Variants in ARIH1 observed in about 807,000 individuals in gnomAD.
The protein encoded by ARIH1 is ariadne RBR E3 ubiquitin protein ligase 1, also known as E3 ubiquitin-protein ligase ARIH1.
Under a neutral mutation model 85.0 loss-of-function variants are expected in ARIH1, and 8 were observed. The observed-to-expected ratio is 0.09, with a 90% CI of 0.06 to 0.17. The LOEUF (loss-of-function observed/expected upper bound fraction) is 0.17, where lower values mean the gene tolerates loss of function less well. Among genes scored for constraint, ARIH1 ranks in the 10% least tolerant of loss-of-function variants. ARIH1 has a pLI of 1.00. For synonymous variants in ARIH1, 238 were observed against 253.6 expected (o/e 0.94, Z 0.59); for missense variants, 311 against 718.1 (o/e 0.43, Z 6.48).
intron 11 of ARIH1, among the ~76,000 whole-genome samples, chr15:72,573,576 ATGAC>A (rs781319671): frequency 6.6e-6 from 1 of 152,102 alleles, no homozygotes; most frequent in Non-Finnish European, 1.5e-5. Flanking sequence ...AAATAATAAA[ATGAC>A]TGGGAAATTA....
At chr15:72,556,040 A>G in intron 5 of ARIH1, 133 bp downstream of exon 5, 1 of 688,626 alleles carries the variant, frequency 1.5e-6, no homozygotes, top group South Asian at 1.9e-5. Context: ...GTTCCTTAGT[A>G]GTAGTACAAA....
At chr15:72,497,732 G>A (rs1341880177) in intron 1 of ARIH1, among the ~76,000 whole-genome samples, 2 of 152,098 alleles carry the variant, frequency 1.3e-5, no homozygotes, top group Non-Finnish European at 2.9e-5. Flanking sequence ...TCCTAAATAG[G>A]TTAGTAGAGT....
chr15:72,575,551 CAAAAAAAAAAAAAA>C (rs59727915), intron 11 of ARIH1, among the ~76,000 whole-genome samples: 4 of 60,562 alleles, frequency 6.6e-5, no homozygotes, highest in Non-Finnish European at 9.6e-5. Flanking sequence ...ACCCTGTCTC[CAAAAAAAAAAAAAA>C]AAAAAAAAAA....
chr15:72,580,174 C>T (rs1015324208), intron 11 of ARIH1, among the ~76,000 whole-genome samples: 3 of 152,054 alleles, frequency 2.0e-5, no homozygotes, highest in East Asian at 1.9e-4. Context: ...TACATATAAG[C>T]GAGATCATGT....
chr15:72,581,803 A>G (rs1371067683), intron 12 of ARIH1: 1 of 266,908 alleles, frequency 3.7e-6, no homozygotes, highest in East Asian at 7.2e-5. Flanking sequence ...AAGATTCCAA[A>G]AGACATTTTA....
intron 1 of ARIH1, among the ~76,000 whole-genome samples, chr15:72,482,563 A>G (rs989575885): frequency 6.6e-6 from 1 of 152,204 alleles, no homozygotes; most frequent in Non-Finnish European, 1.5e-5. Flanking sequence ...AATGCTGGAT[A>G]ATAATGTAGA....
At position 72,587,829 on chromosome 15, in the gene ARIH1, AG is replaced by A. The variant is rs2064323949; in HGVS notation, c.*4539del. 6.6e-6 allele frequency: 1 copy of A among 152,180 alleles called. No homozygotes were observed. Among genetic ancestry groups the A allele is most frequent in the African/African-American group, 2.4e-5 (1 of 41,450 alleles). 9.4% of individuals were successfully genotyped at this position (152,180 alleles called of 1,614,324 possible). The stretch of plus-strand genomic sequence containing the variant: ...CCAGGGGAGTAAACAGACAACTTTT[AG>A]GTTTTTAGTTTTTGCTTTTGTGTGG... On this transcript the variant is annotated 3_prime_UTR_variant, in exon 14 of 14. Transcript: ENST00000379887.
Position 72,592,195 on chromosome 15 carries a change from A to G in ARIH1, c.*8903A>G, listed in dbSNP as rs1335143660. On this transcript the variant is annotated 3_prime_UTR_variant, in exon 14 of 14. Transcript: ENST00000379887. Reference sequence around the variant, plus strand: ...TGGTCAAATGGTTGCTCACTAACCAATGGAAATAAATGACTGTTGTTTCCA... The same window carrying G: ...TGGTCAAATGGTTGCTCACTAACCAGTGGAAATAAATGACTGTTGTTTCCA... 1 of 152,262 alleles carries G rather than the reference A, an allele frequency of 6.6e-6. No individual in the cohort carries two copies. The highest frequency in any genetic ancestry group is 1.5e-5 in the Non-Finnish European group (1 of 68,046). The allele number at this position is 152,262 out of a possible 1,614,324, so 9.4% of individuals were successfully genotyped here.
Position 72,521,527 on chromosome 15 carries a change from A to T in ARIH1, c.443+3393A>T, listed in dbSNP as rs570573191. 1.9e-4 allele frequency among the ~76,000 whole-genome samples: 28 copies of T among 150,240 alleles called. No homozygotes were observed. In the South Asian group the frequency reaches 5.9e-3, roughly 31 times the overall value. The stretch of plus-strand genomic sequence containing the variant: ...CCTGGATCCATGTTGAAACTTGGGG[A>T]TCTCTTTCCATGTCTTCTAACTTTT... On this transcript the variant is annotated intron_variant, in intron 2 of 13. Transcript: ENST00000379887.
chr15:72,512,106 G>A (rs1358597433), intron 1 of ARIH1, among the ~76,000 whole-genome samples: 1 of 152,088 alleles, frequency 6.6e-6, no homozygotes, highest in African/African-American at 2.4e-5. Flanking sequence ...CTTTGTTCAT[G>A]TAGTAATTTT....
intron 2 of ARIH1, among the ~76,000 whole-genome samples, chr15:72,522,562 G>C (rs1455399074): frequency 6.6e-6 from 1 of 151,944 alleles, no homozygotes; most frequent in Non-Finnish European, 1.5e-5. Context: ...GTAAAAAAAA[G>C]GACCAAGCCT....
At chr15:72,537,977 C>T (rs1261925866) in intron 2 of ARIH1, among the ~76,000 whole-genome samples, 1 of 152,120 alleles carries the variant, frequency 6.6e-6, no homozygotes, top group Admixed American at 6.5e-5. Flanking sequence ...TTTTTACTCC[C>T]TCTCAGGCTT....
intron 1 of ARIH1, among the ~76,000 whole-genome samples, chr15:72,479,623 G>T (rs1469435524): frequency 1.3e-5 from 2 of 152,048 alleles, no homozygotes; most frequent in Non-Finnish European, 2.9e-5. Context: ...TGGTCAGATG[G>T]TCTCAACCTC....
intron 1 of ARIH1, among the ~76,000 whole-genome samples, chr15:72,494,161 TG>T (rs1473068341): frequency 6.6e-6 from 1 of 152,212 alleles, no homozygotes; most frequent in Non-Finnish European, 1.5e-5. Flanking sequence ...GGGAACCATT[TG>T]TAAATTGAGT....
intron 2 of ARIH1, among the ~76,000 whole-genome samples, chr15:72,544,481 A>G (rs1021391406): frequency 2.0e-5 from 3 of 152,092 alleles, no homozygotes; most frequent in African/African-American, 7.2e-5. Context: ...TTAATTTCCC[A>G]AGATTCAGTT....
chr15:72,477,932 C>A lies in ARIH1; in HGVS notation c.375+2918C>A, dbSNP rs2063800961. Among the ~76,000 whole-genome samples the A allele has an allele frequency of 2.6e-5, 4 of 152,030 alleles. No individual in the cohort carries two copies. In the South Asian group the frequency reaches 8.3e-4, roughly 32 times the overall value. On this transcript the variant is annotated intron_variant, in intron 1 of 13. Coordinates refer to ENST00000379887, the MANE Select transcript of ARIH1 (RefSeq NM_005744.5). ...GAGATTCCCCTTGCCTCAGCTTCCC[C>A]CCCTACCCCAGTATCTGGGATTACA...
At chr15:72,540,570 T>G (rs1013795335) in intron 2 of ARIH1, among the ~76,000 whole-genome samples, 3 of 152,126 alleles carry the variant, frequency 2.0e-5, no homozygotes, top group Admixed American at 6.5e-5. Context: ...CCCCCAAGAA[T>G]ATGAGTGGAT....
At chr15:72,500,954 A>T (rs1446351090) in intron 1 of ARIH1, among the ~76,000 whole-genome samples, 2 of 152,240 alleles carry the variant, frequency 1.3e-5, no homozygotes, top group African/African-American at 4.8e-5. Context: ...ACATTTAATG[A>T]TACCTTCATT....
At chr15:72,557,600 G>A (rs2064179865) in intron 5 of ARIH1, among the ~76,000 whole-genome samples, 1 of 152,144 alleles carries the variant, frequency 6.6e-6, no homozygotes, top group Admixed American at 6.5e-5. Flanking sequence ...TGCGTTTGGG[G>A]ACTTAGTCAT....
Sources: allele counts gnomAD v4.1 joint callset (sites outside exome capture counted in the v4.1 genomes callset), GRCh38; gene constraint gnomAD v4.1.1; transcripts MANE v1.5; gene names NCBI Gene and HGNC (gene_info 2026-07-23, HGNC 2026-07-21).